SLC25A26: variants seen among roughly 807,000 people sequenced by gnomAD.
The protein encoded by SLC25A26 is mitochondrial S-adenosylmethionine carrier protein.
Under a neutral mutation model 37.8 loss-of-function variants are expected in SLC25A26, and 36 were observed. That is an observed-to-expected ratio of 0.95 (90% CI 0.73 to 1.26). SLC25A26 has a LOEUF of 1.26. SLC25A26 is among the 50% of genes most tolerant of loss of function. The probability of loss-of-function intolerance (pLI) is 0.00; values close to 1 mark genes in which losing one functional copy is unlikely to be tolerated. For missense variants in SLC25A26, 390 were observed against 331.1 expected (o/e 1.18, Z -1.38); for synonymous variants, 129 against 122.5 (o/e 1.05, Z -0.35).
intron 1 of SLC25A26, among the ~76,000 whole-genome samples, chr3:66,189,631 CT>C (rs2070897686): frequency 6.6e-6 from 1 of 152,160 alleles, no homozygotes; most frequent in Non-Finnish European, 1.5e-5. Flanking sequence ...TAATTCTCAA[CT>C]TGTTTACACA....
At chr3:66,283,908 G>A (rs775201547) in intron 5 of SLC25A26, among the ~76,000 whole-genome samples, 4 of 152,042 alleles carry the variant, frequency 2.6e-5, no homozygotes, top group Admixed American at 2.6e-4. Flanking sequence ...TTAATGTTTC[G>A]ATAATACTTT....
chr3:66,188,808 C>T (rs1236524240), intron 1 of SLC25A26, among the ~76,000 whole-genome samples: 4 of 151,930 alleles, frequency 2.6e-5, no homozygotes, highest in African/African-American at 9.7e-5. Context: ...CTCCCTTACT[C>T]TTCAAACATT....
intron 5 of SLC25A26, among the ~76,000 whole-genome samples, chr3:66,345,091 T>C (rs1045193671): frequency 1.3e-5 from 2 of 152,190 alleles, no homozygotes; most frequent in African/African-American, 4.8e-5. Flanking sequence ...TAGCCCTTAC[T>C]GTTAGACAGC....
At chr3:66,261,981 GC>G in intron 3 of SLC25A26, 69 bp from the exon 4 acceptor site, 1 of 847,280 alleles carries the variant, frequency 1.2e-6, no homozygotes, top group Non-Finnish European at 1.9e-6. Flanking sequence ...TACAATTTTT[GC>G]TTACCAAAAA....
chr3:66,372,724 G>T (rs1199092794), intron 9 of SLC25A26, among the ~76,000 whole-genome samples: 1 of 152,140 alleles, frequency 6.6e-6, no homozygotes, highest in Non-Finnish European at 1.5e-5. Context: ...TAAATAATTT[G>T]ACTAAAAAAC....
chr3:66,143,450 A>G lies in SLC25A26; in HGVS notation c.-354+9466A>G, dbSNP rs557564890. Among the ~76,000 whole-genome samples, 44 of 152,354 alleles carry G rather than the reference A, an allele frequency of 2.9e-4. No individual in the cohort carries two copies. The South Asian group carries it at 8.9e-3, about 31-fold the overall frequency. Reference sequence around the variant, plus strand: ...TCCCTGTAGTGCTCTACGTGCTGGCAACACAATTATTGAGCCAAAAGTTCA... The same window carrying G: ...TCCCTGTAGTGCTCTACGTGCTGGCGACACAATTATTGAGCCAAAAGTTCA... On this transcript the variant is annotated intron_variant, in intron 1 of 10. Coordinates refer to the SLC25A26 transcript ENST00000676754.
chr3:66,274,543 C>G (rs961093564), intron 5 of SLC25A26, among the ~76,000 whole-genome samples: 5 of 152,020 alleles, frequency 3.3e-5, no homozygotes, highest in Non-Finnish European at 7.4e-5. Flanking sequence ...TGAACTCAAA[C>G]AAATTTACAA....
chr3:66,183,610 C>A (rs953318142), intron 1 of SLC25A26, among the ~76,000 whole-genome samples: 1 of 152,034 alleles, frequency 6.6e-6, no homozygotes, highest in African/African-American at 2.4e-5. Flanking sequence ...CCTTAATCCT[C>A]ACCATGACAT....
At chr3:66,260,147 GACT>G (rs1272150906) in intron 3 of SLC25A26, among the ~76,000 whole-genome samples, 1 of 152,028 alleles carries the variant, frequency 6.6e-6, no homozygotes, top group Non-Finnish European at 1.5e-5. Context: ...CTGGGGGTTG[GACT>G]AAATACCCCT....
chr3:66,261,192 A>G (rs1388809323), intron 3 of SLC25A26, among the ~76,000 whole-genome samples: 1 of 152,224 alleles, frequency 6.6e-6, no homozygotes, highest in African/African-American at 2.4e-5. Context: ...AAGTTTGTAT[A>G]TTTGCAGACT....
chr3:66,314,705 G>A (rs2075481429), intron 5 of SLC25A26, among the ~76,000 whole-genome samples: 1 of 151,462 alleles, frequency 6.6e-6, no homozygotes, highest in South Asian at 2.1e-4. Context: ...ATCAGCTCCT[G>A]TTTATATTTC....
intron 1 of SLC25A26, among the ~76,000 whole-genome samples, chr3:66,209,642 T>C (rs1348269899): frequency 1.4e-5 from 2 of 139,714 alleles, no homozygotes; most frequent in East Asian, 4.3e-4. Flanking sequence ...TATATATATA[T>C]ACCTTTTATA....
chr3:66,278,434 C>A (rs565226142), intron 5 of SLC25A26, among the ~76,000 whole-genome samples: 41 of 152,032 alleles, frequency 2.7e-4, no homozygotes, highest in African/African-American at 9.9e-4. Flanking sequence ...CTAGAGGTAG[C>A]CTTTATTTTT....
At chr3:66,231,630 T>C (rs557451406) in intron 1 of SLC25A26, among the ~76,000 whole-genome samples, 1 of 152,320 alleles carries the variant, frequency 6.6e-6, no homozygotes, top group African/African-American at 2.4e-5. Flanking sequence ...TGTTCCAGAC[T>C]TCTAATTATG....
chr3:66,154,165 C>T (rs1169965708), intron 1 of SLC25A26, among the ~76,000 whole-genome samples: 1 of 152,104 alleles, frequency 6.6e-6, no homozygotes, highest in African/African-American at 2.4e-5. Context: ...TATGAGACCG[C>T]AGATCTCACA....
chr3:66,209,898 T>TCTC (rs2071256377), intron 1 of SLC25A26, among the ~76,000 whole-genome samples: 3 of 38,616 alleles, frequency 7.8e-5, no homozygotes, highest in African/African-American at 2.6e-4. Flanking sequence ...CTCTCTCTAT[T>TCTC]TATATATATA....
chr3:66,267,122 G>A (rs1234438359), intron 5 of SLC25A26, among the ~76,000 whole-genome samples: 1 of 152,166 alleles, frequency 6.6e-6, no homozygotes, highest in Non-Finnish European at 1.5e-5. Flanking sequence ...ACACTTTACA[G>A]TGCAGTGTCA....
chr3:66,189,423 G>C (rs1004151699), intron 1 of SLC25A26, among the ~76,000 whole-genome samples: 2 of 151,538 alleles, frequency 1.3e-5, no homozygotes, highest in South Asian at 4.2e-4. Context: ...CCATCATCAT[G>C]ACATTTACGC....
At chr3:66,166,826 C>T (rs2070431271) in intron 1 of SLC25A26, among the ~76,000 whole-genome samples, 2 of 152,192 alleles carry the variant, frequency 1.3e-5, no homozygotes, top group Admixed American at 1.3e-4. Flanking sequence ...TTGGCTCTAT[C>T]TCCACCCAAA....
Sources: gnomAD v4.1 joint callset for allele counts (sites outside exome capture counted in the v4.1 genomes callset) on GRCh38, gnomAD v4.1.1 for gene constraint, MANE v1.5 for transcripts, NCBI Gene and HGNC (gene_info 2026-07-23, HGNC 2026-07-21) for gene names.